Variants in FLRT3 observed in about 807,000 individuals in gnomAD.
FLRT3 encodes fibronectin leucine rich transmembrane protein 3, also known as leucine-rich repeat transmembrane protein FLRT3.
FLRT3 carries 17 observed loss-of-function variants against 42.6 expected under a neutral mutation model. The observed-to-expected ratio is 0.40, with a 90% CI of 0.27 to 0.60. FLRT3 has a LOEUF of 0.60. Ranked by LOEUF, FLRT3 falls within the 20% of genes least tolerant of loss-of-function variation. The pLI is 0.44. For missense variants in FLRT3, 635 were observed against 789.2 expected (o/e 0.80, Z 2.34); for synonymous variants, 279 against 286.4 (o/e 0.97, Z 0.26).
intron 1 of FLRT3, among the ~76,000 whole-genome samples, chr20:14,330,693 T>C (rs1253624037): frequency 2.0e-5 from 3 of 152,110 alleles, no homozygotes; most frequent in Admixed American, 6.6e-5. Flanking sequence ...AAACAGTCTC[T>C]AGTGAATATT....
In FLRT3 at chr20:14,325,422, T is replaced by C; in HGVS notation, c.*135A>G. 1 of 857,638 alleles carries C rather than the reference T, an allele frequency of 1.2e-6. No individual in the cohort carries two copies. Among genetic ancestry groups the C allele is most frequent in the South Asian group, 2.7e-5 (1 of 37,058 alleles). The allele number at this position is 857,638 out of a possible 1,614,324, so 53.1% of individuals were successfully genotyped here. On this transcript the variant is annotated 3_prime_UTR_variant, in exon 3 of 3. Transcript: ENST00000341420. Reference sequence around the variant, plus strand: ...TAATAAAAAGTTCTTAAATATAAATTATATGGCAAATGTACAGTACATTGC... The same window carrying C: ...TAATAAAAAGTTCTTAAATATAAATCATATGGCAAATGTACAGTACATTGC...
intron 1 of FLRT3, among the ~76,000 whole-genome samples, chr20:14,334,997 T>C (rs1468970112): frequency 6.6e-6 from 1 of 152,156 alleles, no homozygotes; most frequent in African/African-American, 2.4e-5. Context: ...CCAGATTTAA[T>C]ATTGGTATGA....
At chr20:14,333,722 A>G (rs1487022347) in intron 1 of FLRT3, among the ~76,000 whole-genome samples, 1 of 152,184 alleles carries the variant, frequency 6.6e-6, no homozygotes, top group Non-Finnish European at 1.5e-5. Context: ...ATTTTAGTCT[A>G]CTGTGTGGCA....
Position 14,325,934 on chromosome 20 carries a change from G to T in FLRT3, c.1573C>A (p.Pro525Thr). 6 of 1,613,902 alleles carry T rather than the reference G, an allele frequency of 3.7e-6. No homozygotes were observed. The highest frequency in any genetic ancestry group is 1.1e-5 in the South Asian group (1 of 91,088). ...REQEKEPYKNPNLPLAAIIGG... is the reference protein window; with the variant it reads ...REQEKEPYKNTNLPLAAIIGG... Reference sequence around the variant, plus strand: ...ATGATGGCAGCCAAAGGTAAATTGGGGTTTTTGTAAGGTTCTTTCTCTTGC... The same window carrying T: ...ATGATGGCAGCCAAAGGTAAATTGGTGTTTTTGTAAGGTTCTTTCTCTTGC... The change falls in exon 3 of 3, where the codon CCC (proline) becomes ACC (threonine). Residue 525 changes from proline to threonine, a missense_variant. Coordinates refer to ENST00000341420, the MANE Select transcript of FLRT3 (RefSeq NM_198391.3).
chr20:14,335,935 G>C (rs575423883), intron 1 of FLRT3, among the ~76,000 whole-genome samples: 1 of 152,120 alleles, frequency 6.6e-6, no homozygotes, highest in East Asian at 1.9e-4. Flanking sequence ...GTAAAACCTG[G>C]CATATTATCA....
intron 1 of FLRT3, 49 bp downstream of exon 1, chr20:14,337,355 A>G: frequency 3.1e-6 from 1 of 322,724 alleles, no homozygotes; most frequent in Non-Finnish European, 5.6e-6. Context: ...GAGTAAAACC[A>G]AGCAAACTTT....
At position 14,325,988 on chromosome 20, in the gene FLRT3, A is replaced by G; in HGVS notation, c.1519T>C (p.Tyr507His). ...IETETAPLRM[Y>H]NPTTTLNREQ... ...CGATTGAGGGTGGTTGTAGGGTTGT[A>G]CATTCGAAGGGGTGCAGTTTCAGTC... The change falls in exon 3 of 3, where the codon TAC becomes CAC. Residue 507 changes from tyrosine (Y) to histidine (H), a missense_variant. Coordinates refer to ENST00000341420, the MANE Select transcript of FLRT3 (RefSeq NM_198391.3). 1 of 1,613,896 alleles carries G rather than the reference A, an allele frequency of 6.2e-7. No homozygotes were observed. The highest frequency in any genetic ancestry group is 8.5e-7 in the Non-Finnish European group (1 of 1,179,880).
intron 1 of FLRT3, among the ~76,000 whole-genome samples, chr20:14,335,113 A>G (rs984792829): frequency 1.3e-5 from 2 of 152,212 alleles, no homozygotes; most frequent in African/African-American, 4.8e-5. Flanking sequence ...AAACTGTTCA[A>G]AATAATCCAG....
chr20:14,327,635 G>A, intron 2 of FLRT3, 77 bp from the exon 3 acceptor site: 4 of 1,062,050 alleles, frequency 3.8e-6, no homozygotes, highest in Non-Finnish European at 3.9e-6. Flanking sequence ...AACAAATGTG[G>A]AAACTAAAAT....
In FLRT3 at chr20:14,326,532, C is replaced by T. The variant is rs1407671580; in HGVS notation, c.975G>A (p.Val325=). ...WVRDWLQSLP[V]KVNVRGLMCQ... is the part of the protein sequence containing the mutation. Reference sequence around the variant, plus strand: ...ACATGAGCCCACGCACGTTGACCTTCACAGGTAGTGATTGTAACCAGTCAC... The same window carrying T: ...ACATGAGCCCACGCACGTTGACCTTTACAGGTAGTGATTGTAACCAGTCAC... Residue 325 remains valine (V), a synonymous_variant, in exon 3 of 3, where the codon GTG becomes GTA. Transcript: ENST00000341420. This position sits in a 1 kb window ranked among gnomAD's most constrained non-coding sequence, Gnocchi z 5.5. The T allele has an allele frequency of 6.2e-7, 1 of 1,613,794 alleles. No individual in the cohort carries two copies. Among genetic ancestry groups the T allele is most frequent in the African/African-American group, 1.3e-5 (1 of 74,908 alleles).
At chr20:14,336,852 G>A (rs934135794) in intron 1 of FLRT3, among the ~76,000 whole-genome samples, 6 of 152,188 alleles carry the variant, frequency 3.9e-5, no homozygotes, top group Non-Finnish European at 8.8e-5. Context: ...GCTCAGGCAC[G>A]ATAGCAGTGC....
At chr20:14,327,579 A>T in intron 2 of FLRT3, 21 bp from the exon 3 acceptor site, 1 of 1,474,380 alleles carries the variant, frequency 6.8e-7, no homozygotes, top group East Asian at 2.3e-5. Context: ...GTGAGTAAAA[A>T]AAGACAGAAA....
Position 14,325,593 on chromosome 20 carries a change from G to A in FLRT3, c.1914C>T (p.Asp638=). ...AGTGATCTGAGTCTGGAATACCACT[G>A]TCTCTGTAGCTTCGGTTACTACTGC... ...SESSSNRSYR[D]SGIPDSDHSH... is the part of the protein sequence containing the mutation. Residue 638 remains aspartate (D), a synonymous_variant, in exon 3 of 3, where the codon GAC becomes GAT. Coordinates refer to ENST00000341420, the MANE Select transcript of FLRT3 (RefSeq NM_198391.3). The A allele has an allele frequency of 6.2e-7, 1 of 1,613,056 alleles. No homozygotes were observed. Among genetic ancestry groups the A allele is most frequent in the South Asian group, 1.1e-5 (1 of 90,990 alleles).
chr20:14,326,114 A>G lies in FLRT3; in HGVS notation c.1393T>C (p.Leu465=). 1 of 1,613,884 alleles carries G rather than the reference A, an allele frequency of 6.2e-7. No individual in the cohort carries two copies. The change falls in exon 3 of 3, where the codon TTG becomes CTG. Residue 465 remains leucine (L), a synonymous_variant. Transcript: ENST00000341420. This position sits in a 1 kb window ranked among gnomAD's most constrained non-coding sequence, Gnocchi z 5.5. ...TIVTGERSEY[L]VTALEPDSPY... is the part of the protein sequence containing the mutation. ...GAATCAGGCTCCAGGGCTGTGACCA[A>G]GTACTCACTGCGTTCCCCTGTTACA...
rs1187238306 is a variant in FLRT3, at chr20:14,323,697, A to C, written c.*1860T>G. On this transcript the variant is annotated 3_prime_UTR_variant, in exon 3 of 3. Transcript: ENST00000341420. ...ACTCATTAGCATATGAAAATATATC[A>C]CTTTGAAGATTGCAAGGATTTTAGG... is the stretch of plus-strand genomic sequence containing the variant. 6.6e-6 allele frequency: 1 copy of C among 152,152 alleles called. No individual in the cohort carries two copies. Among genetic ancestry groups the C allele is most frequent in the Admixed American group, 6.6e-5 (1 of 15,260 alleles). The allele number at this position is 152,152 out of a possible 1,614,324, so 9.4% of individuals were successfully genotyped here.
intron 1 of FLRT3, among the ~76,000 whole-genome samples, chr20:14,336,719 C>T (rs1238368605): frequency 6.6e-6 from 1 of 152,206 alleles, no homozygotes; most frequent in East Asian, 1.9e-4. Flanking sequence ...TCACATACTT[C>T]ACTTGCCTAA....
intron 1 of FLRT3, among the ~76,000 whole-genome samples, chr20:14,332,381 C>T (rs552027038): frequency 6.6e-6 from 1 of 152,062 alleles, no homozygotes; most frequent in East Asian, 1.9e-4. Context: ...CGGCAATCTA[C>T]ATGTTTATGT....
In FLRT3 at chr20:14,325,615, C is replaced by G. The variant is rs1340268245; in HGVS notation, c.1892G>C (p.Ser631Thr). 4 of 1,613,594 alleles carry G rather than the reference C, an allele frequency of 2.5e-6. No individual in the cohort carries two copies. The highest frequency in any genetic ancestry group is 1.7e-5 in the Admixed American group (1 of 59,974). The change falls in exon 3 of 3, where the codon AGT becomes ACT. Residue 631 changes from serine (S) to threonine (T), a missense_variant. Coordinates refer to ENST00000341420, the MANE Select transcript of FLRT3 (RefSeq NM_198391.3). ...NLYKNNHSES[S>T]SNRSYRDSGI... is the part of the protein sequence containing the mutation. ...ACTGTCTCTGTAGCTTCGGTTACTACTGCTTTCACTGTGATTGTTTTTGTA... is the reference window on the plus strand; with the variant it reads ...ACTGTCTCTGTAGCTTCGGTTACTAGTGCTTTCACTGTGATTGTTTTTGTA...
At chr20:14,335,100 T>C (rs2082913192) in intron 1 of FLRT3, among the ~76,000 whole-genome samples, 1 of 152,208 alleles carries the variant, frequency 6.6e-6, no homozygotes, top group Admixed American at 6.5e-5. Context: ...TTTGTAGGGC[T>C]TAAAACTGTT....
Sources: allele counts gnomAD v4.1 joint callset (sites outside exome capture counted in the v4.1 genomes callset), GRCh38; gene constraint gnomAD v4.1.1; non-coding constraint Gnocchi (gnomAD v3.1); transcripts MANE v1.5; gene names NCBI Gene and HGNC (gene_info 2026-07-23, HGNC 2026-07-21).